The following NLRP7 variants were observed in gnomAD, a reference collection of about 807,000 sequenced individuals.
The protein encoded by NLRP7 is NACHT, LRR and PYD domains-containing protein 7.
In NLRP7, 72 loss-of-function variants were observed where a neutral mutation model predicts 85.5. The ratio of observed to expected loss-of-function variants is 0.84; its 90% confidence interval spans 0.70 to 1.02. The LOEUF (loss-of-function observed/expected upper bound fraction) is 1.02. Ranked by LOEUF, NLRP7 falls within the 50% of genes least tolerant of loss-of-function variation. NLRP7 has a pLI of 0.00. For synonymous variants in NLRP7, 550 were observed against 505.2 expected (o/e 1.09, Z -1.19); for missense variants, 1,243 against 1,219.5 (o/e 1.02, Z -0.29).
At chr19:54,940,301 G>C in exon 4 of NLRP7, 1 of 1,614,206 alleles carries the variant, frequency 6.2e-7, no homozygotes, top group Non-Finnish European at 8.5e-7. Context: ...CAGCACCACC[G>C]TGTAAGGTGT....
exon 5 of NLRP7, chr19:54,938,202 A>C: frequency 6.2e-7 from 1 of 1,614,092 alleles, no homozygotes; most frequent in Non-Finnish European, 8.5e-7. Context: ...GAGAGCGAAG[A>C]TCCTGCCGAG....
At chr19:54,942,514 G>A (rs938845009) in intron 1 of NLRP7, among the ~76,000 whole-genome samples, 8 of 150,780 alleles carry the variant, frequency 5.3e-5, no homozygotes, top group African/African-American at 9.7e-5. Flanking sequence ...ACCTGAGGTC[G>A]GGAGCTCAAG....
At chr19:54,931,027 A>G (rs912234031) in intron 8 of NLRP7, among the ~76,000 whole-genome samples, 2 of 152,066 alleles carry the variant, frequency 1.3e-5, no homozygotes, top group African/African-American at 4.8e-5. Flanking sequence ...CGTCTCAAGA[A>G]AACAACAACA....
chr19:54,954,338 A>G (rs2069777888), intron 1 of NLRP7, among the ~76,000 whole-genome samples: 1 of 144,642 alleles, frequency 6.9e-6, no homozygotes, highest in Admixed American at 7.0e-5. Flanking sequence ...CATCCTGGCT[A>G]ACACGGTGAA....
At position 54,934,460 on chromosome 19, in the gene NLRP7, A is replaced by G. The variant is rs1464514472; in HGVS notation, c.2471+29T>C. The G allele has an allele frequency of 1.2e-6, 2 of 1,612,452 alleles. No individual in the cohort carries two copies. Among genetic ancestry groups the G allele is most frequent in the Non-Finnish European group, 1.7e-6 (2 of 1,178,484 alleles). On this transcript the variant is annotated intron_variant, in intron 7 of 9. Coordinates refer to ENST00000340844, the Ensembl canonical transcript of NLRP7. The surrounding 1 kb of genome is among the most constrained non-coding windows in gnomAD (Gnocchi z 6.7). Reference sequence around the variant, plus strand: ...TCTTCTATAGCCCCAGAACTAAACCAGAGCTGCCCATGGGAAGAGGAGACT... The same window carrying G: ...TCTTCTATAGCCCCAGAACTAAACCGGAGCTGCCCATGGGAAGAGGAGACT...
Position 54,934,709 on chromosome 19 carries a change from C to G in NLRP7, c.2301-50G>C. ...TTCTTCTGGGAGGACAGAGTATACCCTATCAGCTTTTTTTTTTTGAGACAG... is the reference window on the plus strand; with the variant it reads ...TTCTTCTGGGAGGACAGAGTATACCGTATCAGCTTTTTTTTTTTGAGACAG... On this transcript the variant is annotated intron_variant, in intron 6 of 9. Transcript: ENST00000340844. This position sits in a 1 kb window ranked among gnomAD's most constrained non-coding sequence, Gnocchi z 6.7. 1 of 1,471,852 alleles carries G rather than the reference C, an allele frequency of 6.8e-7. No individual in the cohort carries two copies. The highest frequency in any genetic ancestry group is 9.2e-7 in the Non-Finnish European group (1 of 1,088,502). 91.2% of individuals were successfully genotyped at this position (1,471,852 alleles called of 1,614,324 possible).
chr19:54,941,094 T>A (rs2069200572), intron 2 of NLRP7, 89 bp from the exon 3 acceptor site: 1 of 989,690 alleles, frequency 1.0e-6, no homozygotes, highest in Non-Finnish European at 1.6e-6. Flanking sequence ...CCAGGCATGG[T>A]GGCTCATGCC....
At chr19:54,962,505 A>T (rs530419483) in intron 1 of NLRP7, among the ~76,000 whole-genome samples, 20 of 151,310 alleles carry the variant, frequency 1.3e-4, no homozygotes, top group Non-Finnish European at 2.8e-4. Flanking sequence ...TCCTGACCTC[A>T]GGTGATCCAC....
chr19:54,959,377 T>C (rs2069963478), intron 1 of NLRP7, among the ~76,000 whole-genome samples: 1 of 151,386 alleles, frequency 6.6e-6, no homozygotes, highest in African/African-American at 2.4e-5. Context: ...GACCTTGTGA[T>C]CCACCCGCCT....
chr19:54,939,368 T>C, exon 4 of NLRP7: 1 of 1,613,992 alleles, frequency 6.2e-7, no homozygotes, highest in Non-Finnish European at 8.5e-7. Flanking sequence ...CCCCTCCTCC[T>C]TCTCCAGGGC....
chr19:54,935,050 C>T (rs1232653872), intron 6 of NLRP7, among the ~76,000 whole-genome samples: 1 of 152,090 alleles, frequency 6.6e-6, no homozygotes, highest in Non-Finnish European at 1.5e-5. Flanking sequence ...TGGTTTATCT[C>T]ATTCTACTCA....
chr19:54,929,816 T>C (rs969756735), intron 9 of NLRP7, among the ~76,000 whole-genome samples: 20 of 151,974 alleles, frequency 1.3e-4, no homozygotes, highest in South Asian at 2.1e-4. Context: ...GTCTGAGATA[T>C]TGAAAACATA....
chr19:54,950,570 G>C (rs1300486350), upstream of NLRP7, among the ~76,000 whole-genome samples: 1 of 152,156 alleles, frequency 6.6e-6, no homozygotes, highest in Non-Finnish European at 1.5e-5. Context: ...CATAGACAAG[G>C]TAAAGAACTA....
At chr19:54,963,681 G>A (rs993863270) in intron 1 of NLRP7, among the ~76,000 whole-genome samples, 6 of 151,768 alleles carry the variant, frequency 4.0e-5, no homozygotes, top group South Asian at 4.2e-4. Context: ...AAAATTAGCC[G>A]GGTACAGTGG....
At chr19:54,944,539 G>T (rs1032764816) in intron 1 of NLRP7, among the ~76,000 whole-genome samples, 1 of 151,980 alleles carries the variant, frequency 6.6e-6, no homozygotes, top group African/African-American at 2.4e-5. Context: ...AGACCCGGCC[G>T]GCGCGGGTCT....
intron 9 of NLRP7, among the ~76,000 whole-genome samples, chr19:54,924,585 A>G (rs950878811): frequency 1.3e-5 from 2 of 152,162 alleles, no homozygotes; most frequent in Admixed American, 1.3e-4. Context: ...AGATTGCCCT[A>G]CTGCACTCCA....
chr19:54,940,826 CA>C (rs11290760), intron 3 of NLRP7, 104 bp downstream of exon 3: 245,522 of 754,186 alleles, frequency 0.33, 15,123 homozygotes, highest in African/African-American at 0.55. Flanking sequence ...GATTCCGTCT[CA>C]AAAAAAAAAA....
At chr19:54,958,117 G>C (rs562276529) in intron 1 of NLRP7, among the ~76,000 whole-genome samples, 50 of 151,978 alleles carry the variant, frequency 3.3e-4, no homozygotes, top group African/African-American at 1.1e-3. Context: ...TGGAAGGCTA[G>C]GGCAGGAGAA....
chr19:54,955,869 G>A (rs550838947), intron 1 of NLRP7, among the ~76,000 whole-genome samples: 7 of 152,196 alleles, frequency 4.6e-5, no homozygotes, highest in South Asian at 4.1e-4. Flanking sequence ...ATAGACATTC[G>A]CTCCCATGCC....
Sources: gnomAD v4.1 joint callset for allele counts (sites outside exome capture counted in the v4.1 genomes callset) on GRCh38, gnomAD v4.1.1 for gene constraint, Gnocchi (gnomAD v3.1) non-coding constraint, MANE v1.5 for transcripts, NCBI Gene and HGNC (gene_info 2026-07-23, HGNC 2026-07-21) for gene names.